The following BTBD9 variants were observed in gnomAD, a reference collection of about 807,000 sequenced individuals.
BTBD9 encodes the protein BTB domain containing 9.
A neutral mutation model predicts 64.3 loss-of-function variants in BTBD9; 49 were observed. The observed-to-expected ratio is 0.76, with a 90% CI of 0.61 to 0.97. BTBD9 has a LOEUF of 0.97. Ranked by LOEUF, BTBD9 falls within the 50% of genes least tolerant of loss-of-function variation. The probability of loss-of-function intolerance (pLI) is 0.00; values close to 1 mark genes in which losing one functional copy is unlikely to be tolerated. For missense variants in BTBD9, 598 were observed against 762.1 expected (o/e 0.78, Z 2.53); for synonymous variants, 260 against 274.7 (o/e 0.95, Z 0.53).
At chr6:38,399,081 T>G (rs1306045002) in intron 6 of BTBD9, among the ~76,000 whole-genome samples, 1 of 152,198 alleles carries the variant, frequency 6.6e-6, no homozygotes, top group African/African-American at 2.4e-5. Flanking sequence ...GAGAAAAATT[T>G]GCAAACACTT....
chr6:38,572,971 T>C (rs1200334652), intron 6 of BTBD9, among the ~76,000 whole-genome samples: 2 of 151,946 alleles, frequency 1.3e-5, no homozygotes, highest in African/African-American at 4.8e-5. Context: ...GTTAACAAAT[T>C]TCATATATGA....
chr6:38,337,630 T>C (rs1231961617), intron 7 of BTBD9, among the ~76,000 whole-genome samples: 1 of 152,216 alleles, frequency 6.6e-6, no homozygotes, highest in Non-Finnish European at 1.5e-5. Context: ...TGTCTGTTGT[T>C]CTCCACTCCA....
intron 4 of BTBD9, among the ~76,000 whole-genome samples, chr6:38,585,465 C>T (rs116727581): frequency 0.016 from 2,372 of 152,210 alleles, 46 homozygotes; most frequent in African/African-American, 0.053. Context: ...CACACAATCA[C>T]ACCCAGCTAA....
At chr6:38,492,503 T>C (rs1771747408) in intron 6 of BTBD9, among the ~76,000 whole-genome samples, 1 of 152,232 alleles carries the variant, frequency 6.6e-6, no homozygotes, top group South Asian at 2.1e-4. Context: ...AATAGAAGAA[T>C]AAAGCAACTA....
chr6:38,352,970 A>C (rs1385383831), intron 6 of BTBD9, among the ~76,000 whole-genome samples: 1 of 152,242 alleles, frequency 6.6e-6, no homozygotes, highest in Non-Finnish European at 1.5e-5. Flanking sequence ...AATAAACAAC[A>C]AATTAAAAAA....
At chr6:38,331,886 T>C (rs1250912045) in intron 7 of BTBD9, among the ~76,000 whole-genome samples, 1 of 152,202 alleles carries the variant, frequency 6.6e-6, no homozygotes, top group Non-Finnish European at 1.5e-5. Context: ...AATATTTTAC[T>C]TATGTACTTC....
At chr6:38,444,625 C>A (rs1263170033) in intron 6 of BTBD9, among the ~76,000 whole-genome samples, 1 of 152,120 alleles carries the variant, frequency 6.6e-6, no homozygotes, top group African/African-American at 2.4e-5. Context: ...TCTTACTTAA[C>A]CCCTCTGTAC....
chr6:38,620,806 C>A (rs1777957149), intron 1 of BTBD9, among the ~76,000 whole-genome samples: 1 of 152,074 alleles, frequency 6.6e-6, no homozygotes. Flanking sequence ...AACTATGGAT[C>A]CCTGGATACA....
chr6:38,504,550 G>T (rs1345963531), intron 6 of BTBD9: 1 of 456,772 alleles, frequency 2.2e-6, no homozygotes, highest in South Asian at 1.5e-5. Flanking sequence ...CTGTATCATA[G>T]ATCTCTCATA....
intron 10 of BTBD9, among the ~76,000 whole-genome samples, chr6:38,178,758 G>T (rs1428523644): frequency 2.0e-5 from 3 of 151,352 alleles, no homozygotes; most frequent in Non-Finnish European, 4.4e-5. Flanking sequence ...GGGGGGAGGG[G>T]TGGGGCAGAG....
chr6:38,468,640 T>C (rs1770502694), intron 6 of BTBD9, among the ~76,000 whole-genome samples: 1 of 152,210 alleles, frequency 6.6e-6, no homozygotes, highest in Non-Finnish European at 1.5e-5. Flanking sequence ...GAAATCATGT[T>C]TTATTCTCCT....
intron 9 of BTBD9, among the ~76,000 whole-genome samples, chr6:38,244,024 T>A (rs988020704): frequency 6.6e-6 from 1 of 152,180 alleles, no homozygotes; most frequent in African/African-American, 2.4e-5. Context: ...TGATTATAAT[T>A]TAGTAAACTG....
chr6:38,218,689 T>C (rs1459066649), intron 9 of BTBD9, among the ~76,000 whole-genome samples: 1 of 152,194 alleles, frequency 6.6e-6, no homozygotes, highest in Non-Finnish European at 1.5e-5. Flanking sequence ...AAGTTGAATG[T>C]GTGTGTGGCA....
chr6:38,300,266 T>C (rs1762336670), intron 7 of BTBD9, among the ~76,000 whole-genome samples: 1 of 152,252 alleles, frequency 6.6e-6, no homozygotes, highest in Admixed American at 6.5e-5. Flanking sequence ...TGTAGCCTTG[T>C]AGTGTAGTTT....
At chr6:38,175,225 A>C (rs1561831066) in intron 10 of BTBD9, 43 bp from the exon 11 acceptor site, 19 of 1,605,772 alleles carry the variant, frequency 1.2e-5, no homozygotes, top group Non-Finnish European at 1.6e-5. Flanking sequence ...AAGGGTCAGC[A>C]TGCGGCCCTG....
intron 7 of BTBD9, among the ~76,000 whole-genome samples, chr6:38,336,018 G>A (rs2127584795): frequency 6.6e-6 from 1 of 152,294 alleles, no homozygotes; most frequent in African/African-American, 2.4e-5. Flanking sequence ...TTACAGGTGT[G>A]AGCTACCGCA....
At chr6:38,604,102 T>C (rs1288344045) in intron 1 of BTBD9, among the ~76,000 whole-genome samples, 1 of 152,170 alleles carries the variant, frequency 6.6e-6, no homozygotes, top group Non-Finnish European at 1.5e-5. Flanking sequence ...TTGACTCTGA[T>C]ATTTTGCAAA....
intron 9 of BTBD9, among the ~76,000 whole-genome samples, chr6:38,193,061 T>A (rs1464324415): frequency 1.3e-5 from 2 of 149,232 alleles, no homozygotes; most frequent in African/African-American, 2.5e-5. Flanking sequence ...ATAATAATAA[T>A]AAAAAAAAAA....
intron 7 of BTBD9, among the ~76,000 whole-genome samples, chr6:38,337,842 C>T (rs1371166643): frequency 6.6e-6 from 1 of 152,206 alleles, no homozygotes. Context: ...CCCAGACTCC[C>T]CTTACCAGCC....
Sources: gnomAD v4.1 joint callset for allele counts (sites outside exome capture counted in the v4.1 genomes callset) on GRCh38, gnomAD v4.1.1 for gene constraint, MANE v1.5 for transcripts, NCBI Gene and HGNC (gene_info 2026-07-23, HGNC 2026-07-21) for gene names.